NRXN1: variants seen among roughly 807,000 people sequenced by gnomAD.
The protein encoded by NRXN1 is neurexin-1.
NRXN1 carries 39 observed loss-of-function variants against 150.9 expected under a neutral mutation model. That is an observed-to-expected ratio of 0.26 (90% CI 0.20 to 0.34). The LOEUF is 0.34. Among genes scored for constraint, NRXN1 ranks in the 10% least tolerant of loss-of-function variants. The pLI is 1.00. For synonymous variants in NRXN1, 924 were observed against 757.0 expected (o/e 1.22, Z -3.62); for missense variants, 1,815 against 1,949.9 (o/e 0.93, Z 1.30).
chr2:49,954,758 A>G (rs75009026), intron 21 of NRXN1, among the ~76,000 whole-genome samples: 14,951 of 152,182 alleles, frequency 0.098, 1,378 homozygotes, highest in African/African-American at 0.24. Flanking sequence ...ATCTTTTCTT[A>G]GTGCATTAGA....
intron 18 of NRXN1, among the ~76,000 whole-genome samples, chr2:50,140,895 CGTGT>C (rs570362509): frequency 1.3e-5 from 2 of 150,992 alleles, no homozygotes. Context: ...TATATGTGTT[CGTGT>C]GTGTGTGTAT....
intron 5 of NRXN1, among the ~76,000 whole-genome samples, chr2:50,827,405 C>T (rs938958180): frequency 1.3e-5 from 2 of 152,086 alleles, no homozygotes; most frequent in African/African-American, 4.8e-5. Flanking sequence ...TTATAAAATA[C>T]TCTGGGGAAA....
chr2:50,468,961 T>C (rs772832791), intron 16 of NRXN1, among the ~76,000 whole-genome samples: 1 of 151,624 alleles, frequency 6.6e-6, no homozygotes, highest in Non-Finnish European at 1.5e-5. Flanking sequence ...AGAGCATCTA[T>C]TAAAATTTCA....
At chr2:50,274,116 G>A (rs112739632) in intron 17 of NRXN1, among the ~76,000 whole-genome samples, 12,612 of 152,134 alleles carry the variant, frequency 0.083, 620 homozygotes, top group Middle Eastern at 0.15. Flanking sequence ...GCAAAGACTT[G>A]GCACCAACCG....
chr2:50,276,074 G>T (rs1391692194), intron 17 of NRXN1, among the ~76,000 whole-genome samples: 1 of 148,774 alleles, frequency 6.7e-6, no homozygotes, highest in East Asian at 2.0e-4. Flanking sequence ...TTAAAGGAAA[G>T]TAGCCTTTGT....
At chr2:50,579,470 C>A (rs1183026064) in intron 8 of NRXN1, among the ~76,000 whole-genome samples, 1 of 152,102 alleles carries the variant, frequency 6.6e-6, no homozygotes, top group Non-Finnish European at 1.5e-5. Context: ...TCAGCCTGGG[C>A]AACACAGTCT....
chr2:50,814,653 T>C (rs1574569164), intron 5 of NRXN1, among the ~76,000 whole-genome samples: 1 of 152,116 alleles, frequency 6.6e-6, no homozygotes, highest in African/African-American at 2.4e-5. Context: ...CCCAGTTAAC[T>C]TATACTTCCT....
intron 8 of NRXN1, among the ~76,000 whole-genome samples, chr2:50,580,226 C>T (rs567155274): frequency 3.7e-4 from 57 of 152,228 alleles, no homozygotes; most frequent in African/African-American, 1.3e-3. Flanking sequence ...ACTCAGAAAT[C>T]GATGTCATCC....
chr2:50,289,966 C>G (rs1394784848), intron 17 of NRXN1, among the ~76,000 whole-genome samples: 2 of 152,052 alleles, frequency 1.3e-5, no homozygotes, highest in African/African-American at 4.8e-5. Context: ...ATTGTTAGCA[C>G]TTATATGCTA....
chr2:50,549,287 T>G (rs1230624677), intron 9 of NRXN1, among the ~76,000 whole-genome samples: 1 of 152,122 alleles, frequency 6.6e-6, no homozygotes, highest in Non-Finnish European at 1.5e-5. Context: ...TGGAACTTAA[T>G]TAAAATACTA....
intron 21 of NRXN1, among the ~76,000 whole-genome samples, chr2:50,045,068 A>G (rs1254170804): frequency 6.6e-6 from 1 of 152,168 alleles, no homozygotes; most frequent in Non-Finnish European, 1.5e-5. Flanking sequence ...TGCTGAATAA[A>G]GGCAGAGAAA....
chr2:50,138,504 G>T (rs1327313097), intron 18 of NRXN1, among the ~76,000 whole-genome samples: 2 of 152,126 alleles, frequency 1.3e-5, no homozygotes, highest in African/African-American at 2.4e-5. Context: ...GCTATTTGTG[G>T]TTAAAAAGAG....
intron 5 of NRXN1, among the ~76,000 whole-genome samples, chr2:50,848,879 T>C (rs969463183): frequency 1.3e-5 from 2 of 152,124 alleles, no homozygotes; most frequent in African/African-American, 2.4e-5. Flanking sequence ...CTGGGATTTA[T>C]AGGAAGTGGG....
intron 17 of NRXN1, among the ~76,000 whole-genome samples, chr2:50,334,242 G>T (rs993809258): frequency 7.6e-6 from 1 of 132,104 alleles, no homozygotes; most frequent in Admixed American, 7.3e-5. Context: ...CGGGCCTCAC[G>T]TCTAGGCAAA....
intron 12 of NRXN1, among the ~76,000 whole-genome samples, chr2:50,511,824 G>T (rs2092463426): frequency 6.6e-6 from 1 of 152,076 alleles, no homozygotes; most frequent in South Asian, 2.1e-4. Context: ...GTAGATTTTT[G>T]GCCATTTTAG....
chr2:50,226,571 G>T (rs1374826505), intron 18 of NRXN1, among the ~76,000 whole-genome samples: 11 of 151,938 alleles, frequency 7.2e-5, no homozygotes, highest in Non-Finnish European at 1.5e-4. Flanking sequence ...AAGAGTGAAT[G>T]TGTGTGAGGT....
At chr2:50,372,028 T>C (rs1225416607) in intron 17 of NRXN1, among the ~76,000 whole-genome samples, 1 of 152,074 alleles carries the variant, frequency 6.6e-6, no homozygotes, top group Non-Finnish European at 1.5e-5. Context: ...TACTACCCTT[T>C]GCAGCCATGA....
chr2:50,115,937 G>A (rs1703000100), intron 18 of NRXN1, among the ~76,000 whole-genome samples: 1 of 152,000 alleles, frequency 6.6e-6, no homozygotes, highest in Admixed American at 6.6e-5. Flanking sequence ...GATCAGTCTT[G>A]GGGCTAAGCA....
At chr2:50,517,720 G>C (rs992326948) in intron 12 of NRXN1, among the ~76,000 whole-genome samples, 2 of 152,046 alleles carry the variant, frequency 1.3e-5, no homozygotes, top group African/African-American at 2.4e-5. Flanking sequence ...AATAACTTCC[G>C]AGTCCAAAGG....
Sources: allele counts gnomAD v4.1 joint callset (sites outside exome capture counted in the v4.1 genomes callset), GRCh38; gene constraint gnomAD v4.1.1; transcripts MANE v1.5; gene names NCBI Gene and HGNC (gene_info 2026-07-23, HGNC 2026-07-21).